MYO15B: variants seen among roughly 807,000 people sequenced by gnomAD.
MYO15B encodes the protein myosin XVB, also known as myosin XVB pseudogene.
Under a neutral mutation model 119.3 loss-of-function variants are expected in MYO15B, and 207 were observed. The ratio of observed to expected loss-of-function variants is 1.73; its 90% CI spans 1.55 to 1.95. The LOEUF (loss-of-function observed/expected upper bound fraction) is 1.95, where lower values mean the gene tolerates loss of function less well. MYO15B is among the 30% of genes most tolerant of loss of function. The probability of loss-of-function intolerance (pLI) is 0.00; values close to 1 mark genes in which losing one functional copy is unlikely to be tolerated. For synonymous variants in MYO15B, 966 were observed against 498.9 expected, an observed-to-expected ratio of 1.94 and a Z score of -12.48; for missense variants, 2,264 against 1,203.1, an observed-to-expected ratio of 1.88 and a Z score of -13.04.
chr17:75,610,180 G>C (rs767641206), exon 22 of MYO15B: 3 of 700,638 alleles, frequency 4.3e-6, no homozygotes, highest in Non-Finnish European at 7.8e-6. Flanking sequence ...CGGTACCTCC[G>C]GCGGCGGGCA....
Position 75,594,593 on chromosome 17 carries a change from G to C in MYO15B, c.3105+5G>C. 1 of 675,826 alleles carries C rather than the reference G, an allele frequency of 1.5e-6. No homozygotes were observed. Among genetic ancestry groups the C allele is most frequent in the Non-Finnish European group, 2.7e-6 (1 of 370,724 alleles). 41.9% of individuals were successfully genotyped at this position (675,826 alleles called of 1,614,324 possible). The stretch of plus-strand genomic sequence containing the variant: ...GCTGTCACCAGGAGGGTCACGGTGA[G>C]CCCGAGGGTCCTGGGGAGAGGGGCC... On this transcript the variant is annotated splice_donor_5th_base_variant and intron_variant, in intron 10 of 63. Transcript: ENST00000645453.
chr17:75,602,611 C>G lies in MYO15B; in HGVS notation c.3729+17C>G. 1 of 658,792 alleles carries G rather than the reference C, an allele frequency of 1.5e-6. No homozygotes were observed. Among genetic ancestry groups the G allele is most frequent in the Non-Finnish European group, 2.8e-6 (1 of 362,422 alleles). The allele number at this position is 658,792 out of a possible 1,614,324, so 40.8% of individuals were successfully genotyped here. On this transcript the variant is annotated intron_variant, in intron 16 of 63. Transcript: ENST00000645453. ...CAGCTCCAGGTGCCCATCTGCCCTT[C>G]CAGGCCCCCACCCGCTCCATACTCT...
intron 41 of MYO15B, 162 bp from the exon 42 acceptor site, chr17:75,617,648 A>G (rs939434412): frequency 1.7e-6 from 1 of 591,680 alleles, no homozygotes; most frequent in Non-Finnish European, 3.0e-6. Context: ...AGGGCCCAAA[A>G]TGGAGGCAGG....
chr17:75,622,661 TA>T (rs1173349637), intron 53 of MYO15B, among the ~76,000 whole-genome samples: 4 of 152,160 alleles, frequency 2.6e-5, no homozygotes, highest in Non-Finnish European at 5.9e-5. Flanking sequence ...TGTCTAAGTT[TA>T]AAAGCAAAAG....
At chr17:75,602,227 T>C in intron 15 of MYO15B, 2 of 507,804 alleles carry the variant, frequency 3.9e-6, no homozygotes, top group Non-Finnish European at 7.1e-6. Context: ...AAAATAGATT[T>C]AATATGGAGA....
chr17:75,600,039 T>G (rs1045079053), intron 14 of MYO15B, among the ~76,000 whole-genome samples: 1 of 149,514 alleles, frequency 6.7e-6, no homozygotes, highest in East Asian at 2.0e-4. Context: ...CTTTTTTTTT[T>G]TTGAGACAGA....
chr17:75,623,900 T>A (rs1255931092), intron 54 of MYO15B, 46 bp downstream of exon 54: 1 of 702,668 alleles, frequency 1.4e-6, no homozygotes. Flanking sequence ...TGGGGGCAGC[T>A]GGGCACTGTG....
Position 75,612,151 on chromosome 17 carries a change from C to T in MYO15B, c.4635+135C>T, listed in dbSNP as rs561194681. On this transcript the variant is annotated intron_variant, in intron 25 of 63. Transcript: ENST00000645453. ...CCCCAGCCTTTGGGGCTGTGAGTAGCGCTGAATTGCTCTGAAAATAACCGT... is the reference window on the plus strand; with the variant it reads ...CCCCAGCCTTTGGGGCTGTGAGTAGTGCTGAATTGCTCTGAAAATAACCGT... 5.0e-4 allele frequency: 309 copies of T among 616,130 alleles called. 2 individuals are homozygous for T. The highest frequency in any genetic ancestry group is 1.0e-3 in the African/African-American group (56 of 54,640). The allele number at this position is 616,130 out of a possible 1,614,324, so 38.2% of individuals were successfully genotyped here.
chr17:75,615,003 G>T, exon 33 of MYO15B: 1 of 703,042 alleles, frequency 1.4e-6, no homozygotes, highest in East Asian at 2.7e-5. Context: ...CATGAAGGGA[G>T]GGGGCGCCAT....
intron 14 of MYO15B, among the ~76,000 whole-genome samples, chr17:75,597,345 C>T (rs1457643306): frequency 6.6e-6 from 1 of 152,234 alleles, no homozygotes; most frequent in African/African-American, 2.4e-5. Context: ...CCTGCCTGCT[C>T]AGACTTAAAT....
At position 75,594,459 on chromosome 17, in the gene MYO15B, C is replaced by G. The variant is rs1198425759; in HGVS notation, c.2992-16C>G. On this transcript the variant is annotated splice_polypyrimidine_tract_variant and intron_variant, in intron 9 of 63. Coordinates refer to ENST00000645453, the Ensembl canonical transcript of MYO15B. ...TCCTGAAGCAGAGATCTCCCTGTCC[C>G]TCCCTCTCTGTGTAGCGAGAGTCCC... 2 of 596,996 alleles carry G rather than the reference C, an allele frequency of 3.4e-6. No homozygotes were observed. The highest frequency in any genetic ancestry group is 2.6e-4 in the Middle Eastern group (1 of 3,882). The allele number at this position is 596,996 out of a possible 1,614,324, so 37.0% of individuals were successfully genotyped here.
chr17:75,615,228 G>T lies in MYO15B; in HGVS notation c.5642-12G>T. On this transcript the variant is annotated splice_polypyrimidine_tract_variant and intron_variant, in intron 33 of 63. Transcript: ENST00000645453. ...CCAGGCAGGGACTGACAGGGAGGGCGTGTTCCCTCAGTGTACCCAGGAATG... is the reference window on the plus strand; with the variant it reads ...CCAGGCAGGGACTGACAGGGAGGGCTTGTTCCCTCAGTGTACCCAGGAATG... The T allele has an allele frequency of 1.4e-6, 1 of 700,404 alleles. No individual in the cohort carries two copies. Among genetic ancestry groups the T allele is most frequent in the South Asian group, 1.5e-5 (1 of 67,450 alleles). 43.4% of individuals were successfully genotyped at this position (700,404 alleles called of 1,614,324 possible).
At chr17:75,618,575 G>T (rs1196689542) in intron 43 of MYO15B, among the ~76,000 whole-genome samples, 1 of 152,218 alleles carries the variant, frequency 6.6e-6, no homozygotes. Context: ...CTTGAACCCG[G>T]GAGGCAGAGG....
At position 75,614,373 on chromosome 17, in the gene MYO15B, C is replaced by T. The variant is rs748493728; in HGVS notation, c.5381+13C>T. On this transcript the variant is annotated intron_variant, in intron 30 of 63. Coordinates refer to ENST00000645453, the Ensembl canonical transcript of MYO15B. ...CTCCTCTTGGCTCGTAGGTGCCACC[C>T]AGCACCCCTCTCCCTGGCCTGCTCC... The T allele has an allele frequency of 2.9e-6, 2 of 701,378 alleles. No homozygotes were observed. The highest frequency in any genetic ancestry group is 3.0e-5 in the South Asian group (2 of 67,480). 43.4% of individuals were successfully genotyped at this position (701,378 alleles called of 1,614,324 possible).
chr17:75,625,183 G>A (rs780989635), exon 60 of MYO15B: 47 of 702,402 alleles, frequency 6.7e-5, no homozygotes, highest in Admixed American at 1.8e-4. Context: ...CGCGCAGCTC[G>A]CCAGGCTGGC....
chr17:75,623,963 G>A lies in MYO15B; in HGVS notation c.8171G>A (p.Arg2724Gln), dbSNP rs760833606. ...CTGCCCTGCAGGGAACACTGCACTCGAGGCTGGAGCTTCCTCAGCCTTCTC... is the reference window on the plus strand; with the variant it reads ...CTGCCCTGCAGGGAACACTGCACTCAAGGCTGGAGCTTCCTCAGCCTTCTC... The change falls in exon 55 of 64, where the codon CGA (arginine) becomes CAA (glutamine). Residue 2724 changes from arginine to glutamine, a missense_variant. Physicochemically the swap from Arg to Gln is conservative, Grantham distance 43. Transcript: ENST00000645453. The A allele has an allele frequency of 1.5e-4, 107 of 702,914 alleles. 1 individual carries two copies. Among genetic ancestry groups the A allele is most frequent in the South Asian group, 1.3e-3 (88 of 67,604 alleles). The allele number at this position is 702,914 out of a possible 1,614,324, so 43.5% of individuals were successfully genotyped here.
intron 53 of MYO15B, among the ~76,000 whole-genome samples, chr17:75,622,453 C>G (rs368301765): frequency 6.6e-6 from 1 of 152,132 alleles, no homozygotes; most frequent in South Asian, 2.1e-4. Flanking sequence ...GCACCGGGAC[C>G]AGCGTGGCTG....
chr17:75,617,726 G>A (rs1284205704), intron 41 of MYO15B, 84 bp from the exon 42 acceptor site: 1 of 633,128 alleles, frequency 1.6e-6, no homozygotes, highest in Non-Finnish European at 2.9e-6. Context: ...AGGCTCGTGG[G>A]GATGAAGGTC....
intron 20 of MYO15B, 85 bp from the exon 21 acceptor site, chr17:75,605,779 G>A (rs2057605769): frequency 1.5e-6 from 1 of 647,694 alleles, no homozygotes; most frequent in African/African-American, 1.8e-5. Flanking sequence ...TGGTTTGGCT[G>A]GAAGGGAGGA....
Sources: allele counts gnomAD v4.1 joint callset (sites outside exome capture counted in the v4.1 genomes callset), GRCh38; gene constraint gnomAD v4.1.1; transcripts MANE v1.5; gene names NCBI Gene and HGNC (gene_info 2026-07-23, HGNC 2026-07-21).